OSBPL6: variants seen among roughly 807,000 people sequenced by gnomAD.
OSBPL6 encodes oxysterol binding protein like 6, also known as oxysterol-binding protein-related protein 6.
In OSBPL6, 49 loss-of-function variants were observed where a neutral mutation model predicts 125.8. That is an observed-to-expected ratio of 0.39 (90% confidence interval 0.31 to 0.49). The LOEUF is 0.49. Ranked by LOEUF, OSBPL6 falls within the 20% of genes least tolerant of loss-of-function variation. OSBPL6 has a pLI of 0.88. For missense variants in OSBPL6, 986 were observed against 1,135.4 expected, an observed-to-expected ratio of 0.87 and a Z score of 1.89; for synonymous variants, 394 against 391.8, an observed-to-expected ratio of 1.01 and a Z score of -0.07.
chr2:178,386,613 G>C (rs890012470), intron 19 of OSBPL6, among the ~76,000 whole-genome samples: 3 of 151,710 alleles, frequency 2.0e-5, no homozygotes, highest in African/African-American at 7.3e-5. Flanking sequence ...TGATATATTT[G>C]TTAACTATTT....
intron 1 of OSBPL6, among the ~76,000 whole-genome samples, chr2:178,241,337 C>T (rs955211438): frequency 6.6e-6 from 1 of 151,988 alleles, no homozygotes; most frequent in Admixed American, 6.6e-5. Flanking sequence ...TGGTCTTGAA[C>T]TCCTGACCTC....
intron 1 of OSBPL6, among the ~76,000 whole-genome samples, chr2:178,248,613 T>C (rs2091576316): frequency 6.6e-6 from 1 of 152,226 alleles, no homozygotes; most frequent in Non-Finnish European, 1.5e-5. Flanking sequence ...TATGCAAAAG[T>C]GTCTGGTTCC....
At chr2:178,317,469 TATATATATATAG>T (rs1179462822) in intron 3 of OSBPL6, among the ~76,000 whole-genome samples, 7 of 79,114 alleles carry the variant, frequency 8.8e-5, no homozygotes, top group African/African-American at 9.4e-5. Context: ...TATATATATA[TATATATATATAG>T]AATAATTATT....
intron 1 of OSBPL6, among the ~76,000 whole-genome samples, chr2:178,213,377 C>G (rs921065929): frequency 1.3e-5 from 2 of 152,010 alleles, no homozygotes; most frequent in Non-Finnish European, 2.9e-5. Flanking sequence ...AACCATAGAC[C>G]ATGATTGTCC....
intron 2 of OSBPL6, among the ~76,000 whole-genome samples, chr2:178,292,631 T>TCATC (rs1282651216): frequency 6.6e-6 from 1 of 152,090 alleles, no homozygotes; most frequent in African/African-American, 2.4e-5. Flanking sequence ...AGGCTTTAAT[T>TCATC]CATCCATCCA....
At chr2:178,246,116 T>C (rs1358622042) in intron 1 of OSBPL6, among the ~76,000 whole-genome samples, 5 of 152,168 alleles carry the variant, frequency 3.3e-5, no homozygotes, top group Admixed American at 3.3e-4. Flanking sequence ...CTATCTCCAC[T>C]CCCATATTTT....
intron 1 of OSBPL6, among the ~76,000 whole-genome samples, chr2:178,268,463 A>G (rs2092300858): frequency 6.6e-6 from 1 of 152,172 alleles, no homozygotes; most frequent in African/African-American, 2.4e-5. Flanking sequence ...TTATATCTAT[A>G]TGGATACACA....
At chr2:178,282,150 G>C (rs62177259) in intron 1 of OSBPL6, among the ~76,000 whole-genome samples, 2,062 of 152,304 alleles carry the variant, frequency 0.014, 23 homozygotes, top group Non-Finnish European at 0.02. Context: ...GGGAGTTGCA[G>C]TTTTGTGCTG....
At position 178,208,587 on chromosome 2, in the gene OSBPL6, A is replaced by G. The variant is rs994013135; in HGVS notation, c.-351+13913A>G. Reference sequence around the variant, plus strand: ...TCCTGTATTGGATCTCCTGCTTTCTATGTCTTCATGTTTTCCTCTTCTTTG... The same window carrying G: ...TCCTGTATTGGATCTCCTGCTTTCTGTGTCTTCATGTTTTCCTCTTCTTTG... On this transcript the variant is annotated intron_variant, in intron 1 of 24. Transcript: ENST00000190611. Among the ~76,000 whole-genome samples, 6 of 150,722 alleles carry G rather than the reference A, an allele frequency of 4.0e-5. No individual in the cohort carries two copies. In the South Asian group the frequency reaches 1.0e-3, roughly 26 times the overall value.
At chr2:178,353,831 G>T (rs1043495537) in intron 12 of OSBPL6, among the ~76,000 whole-genome samples, 8 of 152,118 alleles carry the variant, frequency 5.3e-5, no homozygotes, top group African/African-American at 1.9e-4. Flanking sequence ...AAATATTAAG[G>T]GCAGCCCAAG....
chr2:178,217,999 G>A (rs1490726689), intron 1 of OSBPL6, among the ~76,000 whole-genome samples: 1 of 152,164 alleles, frequency 6.6e-6, no homozygotes. Flanking sequence ...TGGTTGGCAG[G>A]TTCAATAGGG....
intron 1 of OSBPL6, among the ~76,000 whole-genome samples, chr2:178,258,810 A>G (rs984652231): frequency 6.6e-6 from 1 of 151,112 alleles, no homozygotes; most frequent in Admixed American, 6.6e-5. Flanking sequence ...TGAACTTCTT[A>G]TGAATCAAAT....
intron 3 of OSBPL6, among the ~76,000 whole-genome samples, chr2:178,312,744 C>A (rs1687401856): frequency 6.6e-6 from 1 of 152,162 alleles, no homozygotes; most frequent in African/African-American, 2.4e-5. Context: ...GCATGAGCCA[C>A]CACACCCAGC....
intron 1 of OSBPL6, among the ~76,000 whole-genome samples, chr2:178,274,405 G>T (rs1254233947): frequency 6.6e-6 from 1 of 151,568 alleles, no homozygotes; most frequent in East Asian, 1.9e-4. Context: ...GTAGTCTTAA[G>T]TGCTATATAT....
At chr2:178,258,251 C>T (rs565802895) in intron 1 of OSBPL6, among the ~76,000 whole-genome samples, 406 of 152,206 alleles carry the variant, frequency 2.7e-3, no homozygotes, top group Non-Finnish European at 4.9e-3. Flanking sequence ...CAGGCGTGTG[C>T]CACCATGCCT....
At chr2:178,344,459 C>T in intron 11 of OSBPL6, 3 of 1,165,142 alleles carry the variant, frequency 2.6e-6, no homozygotes, top group Non-Finnish European at 3.8e-6. Context: ...TGTGTGATGG[C>T]ATCACCTGTA....
At chr2:178,369,252 G>T (rs1179173584) in intron 13 of OSBPL6, among the ~76,000 whole-genome samples, 1 of 152,134 alleles carries the variant, frequency 6.6e-6, no homozygotes, top group East Asian at 1.9e-4. Context: ...CCCAATGAAT[G>T]CCAAAGTAAA....
At chr2:178,276,782 GTT>G (rs60096710) in intron 1 of OSBPL6, among the ~76,000 whole-genome samples, 24 of 138,148 alleles carry the variant, frequency 1.7e-4, no homozygotes, top group African/African-American at 5.6e-4. Context: ...CACTAGAAGA[GTT>G]TTTTTTTTTT....
chr2:178,310,239 C>G (rs1307442299), intron 3 of OSBPL6, among the ~76,000 whole-genome samples: 1 of 152,078 alleles, frequency 6.6e-6, no homozygotes, highest in African/African-American at 2.4e-5. Context: ...TTCACCTGCC[C>G]TCAATACTTA....
Sources: gnomAD v4.1 joint callset for allele counts (sites outside exome capture counted in the v4.1 genomes callset) on GRCh38, gnomAD v4.1.1 for gene constraint, MANE v1.5 for transcripts, NCBI Gene and HGNC (gene_info 2026-07-23, HGNC 2026-07-21) for gene names.